OR2C1: variants seen among roughly 807,000 people sequenced by gnomAD.
OR2C1 encodes olfactory receptor 2C1.
For missense variants in OR2C1, 468 were observed against 388.3 expected, an observed-to-expected ratio of 1.21 and a Z score of -1.73; for synonymous variants, 209 against 167.3, an observed-to-expected ratio of 1.25 and a Z score of -1.92.
chr16:3,346,624 C>CTTTTTTTTTT, the OR2C1 span, among the ~76,000 whole-genome samples: 2 of 128,064 alleles, frequency 1.6e-5, no homozygotes, highest in Non-Finnish European at 3.2e-5. Flanking sequence ...GTCCATGCAT[C>CTTTTTTTTTT]TTTTTTTTTT....
upstream of OR2C1, among the ~76,000 whole-genome samples, chr16:3,353,692 T>A (rs2030610307): frequency 6.6e-6 from 1 of 151,500 alleles, no homozygotes; most frequent in African/African-American, 2.4e-5. Context: ...TCCCAGCTAC[T>A]TGGTTGGCTG....
At chr16:3,327,819 T>C in the OR2C1 span, among the ~76,000 whole-genome samples, 2 of 152,058 alleles carry the variant, frequency 1.3e-5, no homozygotes, top group Non-Finnish European at 1.5e-5. Flanking sequence ...TCAGAAGAGT[T>C]TCTCATTTAC....
chr16:3,324,955 T>G, the OR2C1 span, among the ~76,000 whole-genome samples: 1 of 152,278 alleles, frequency 6.6e-6, no homozygotes, highest in South Asian at 2.1e-4. Context: ...TGTAGTCTTT[T>G]TTATTTTTCA....
At chr16:3,336,414 T>C in the OR2C1 span, among the ~76,000 whole-genome samples, 2 of 152,146 alleles carry the variant, frequency 1.3e-5, no homozygotes, top group Non-Finnish European at 2.9e-5. Context: ...CAGGCTGCAG[T>C]GCAGTGGCGT....
chr16:3,323,651 C>T, the OR2C1 span: 4 of 707,358 alleles, frequency 5.7e-6, no homozygotes, highest in Non-Finnish European at 1.0e-5. Flanking sequence ...CCTTTTGCTG[C>T]ATACAACAAA....
chr16:3,329,737 C>T, the OR2C1 span, among the ~76,000 whole-genome samples: 5 of 138,660 alleles, frequency 3.6e-5, no homozygotes, highest in Non-Finnish European at 6.1e-5. Flanking sequence ...GCGTGAGCCA[C>T]GGCGCCCGGC....
chr16:3,343,354 A>C, the OR2C1 span, among the ~76,000 whole-genome samples: 2 of 152,148 alleles, frequency 1.3e-5, 1 homozygote, highest in South Asian at 4.2e-4. Flanking sequence ...TTTGCCTCCC[A>C]AAGTGCTGTG....
At chr16:3,355,407 G>A (rs1376360187), upstream of OR2C1, among the ~76,000 whole-genome samples, 10 of 129,394 alleles carry the variant, frequency 7.7e-5, no homozygotes, top group African/African-American at 2.8e-4. Flanking sequence ...GCAATGAGCC[G>A]AGATTGCACC....
upstream of OR2C1, among the ~76,000 whole-genome samples, chr16:3,354,580 G>T (rs554136189): frequency 3.0e-4 from 46 of 152,192 alleles, no homozygotes; most frequent in African/African-American, 9.6e-4. Context: ...TTATTTCTGT[G>T]ACTTTATAGA....
the OR2C1 span, among the ~76,000 whole-genome samples, chr16:3,329,169 GACAC>G: frequency 0.021 from 2,384 of 115,106 alleles, 39 homozygotes; most frequent in African/African-American, 0.036. Context: ...TGGGAGGGAA[GACAC>G]ACACACACAC....
At position 3,356,205 on chromosome 16, in the gene OR2C1, G is replaced by A; in HGVS notation, c.265G>A (p.Gly89Ser). Reference sequence around the variant, plus strand: ...AATGCTGATCAATTTATGGGGACCAGGCAAGACCATCAGCTATGGTGGCTG... The same window carrying A: ...AATGCTGATCAATTTATGGGGACCAAGCAAGACCATCAGCTATGGTGGCTG... ...PQMLINLWGP[G>S]KTISYGGCIT... The change falls in exon 1 of 1, where the codon GGC becomes AGC. Residue 89 changes from glycine (G) to serine (S), a missense_variant. Transcript: ENST00000304936. 4 of 1,614,208 alleles carry A rather than the reference G, an allele frequency of 2.5e-6. No homozygotes were observed. Among genetic ancestry groups the A allele is most frequent in the Non-Finnish European group, 3.4e-6 (4 of 1,180,054 alleles).
chr16:3,329,409 AAG>A, the OR2C1 span, among the ~76,000 whole-genome samples: 1 of 152,042 alleles, frequency 6.6e-6, no homozygotes, highest in Non-Finnish European at 1.5e-5. Flanking sequence ...AAAGGCCAAA[AAG>A]GGGGAAAAAC....
chr16:3,336,275 T>C, the OR2C1 span, among the ~76,000 whole-genome samples: 1 of 152,254 alleles, frequency 6.6e-6, no homozygotes, highest in Non-Finnish European at 1.5e-5. Flanking sequence ...ACGATCTTTT[T>C]AATGTGTTAC....
chr16:3,348,434 G>A, the OR2C1 span, among the ~76,000 whole-genome samples: 2 of 152,146 alleles, frequency 1.3e-5, no homozygotes, highest in African/African-American at 4.8e-5. Flanking sequence ...ATTTGCCCTT[G>A]GAGAAATTAC....
the OR2C1 span, among the ~76,000 whole-genome samples, chr16:3,333,462 A>G: frequency 6.6e-6 from 1 of 151,824 alleles, no homozygotes; most frequent in African/African-American, 2.4e-5. Flanking sequence ...CAGCCTCCCC[A>G]GTAGCTGGTA....
At chr16:3,351,624 A>G (rs1172051693), upstream of OR2C1, among the ~76,000 whole-genome samples, 1 of 152,174 alleles carries the variant, frequency 6.6e-6, no homozygotes, top group Non-Finnish European at 1.5e-5. Flanking sequence ...TATCCTTTTT[A>G]AAATGCTAGG....
chr16:3,323,282 A>G, the OR2C1 span: 1 of 867,990 alleles, frequency 1.2e-6, no homozygotes, highest in Non-Finnish European at 1.9e-6. Context: ...TGGTAGCATG[A>G]TGGACCACTG....
the OR2C1 span, among the ~76,000 whole-genome samples, chr16:3,327,067 A>C: frequency 2.6e-5 from 4 of 152,202 alleles, no homozygotes; most frequent in African/African-American, 9.7e-5. Flanking sequence ...ACTGATTTAA[A>C]ATAATATATA....
chr16:3,350,841 T>C, the OR2C1 span, among the ~76,000 whole-genome samples: 1 of 151,536 alleles, frequency 6.6e-6, no homozygotes, highest in South Asian at 2.1e-4. Flanking sequence ...CACAACTCTG[T>C]TCTGGGAACA....
Sources: gnomAD v4.1 joint callset for allele counts (sites outside exome capture counted in the v4.1 genomes callset) on GRCh38, gnomAD v4.1.1 for gene constraint, MANE v1.5 for transcripts, NCBI Gene and HGNC (gene_info 2026-07-23, HGNC 2026-07-21) for gene names.